The following SPOCK3 variants were observed in gnomAD, a reference collection of about 807,000 sequenced individuals.
SPOCK3 encodes SPARC (osteonectin), cwcv and kazal like domains proteoglycan 3.
A neutral mutation model predicts 56.6 loss-of-function variants in SPOCK3; 30 were observed. The observed-to-expected ratio is 0.53, with a 90% confidence interval of 0.40 to 0.72. SPOCK3 has a LOEUF of 0.72. Ranked by LOEUF, SPOCK3 falls within the 30% of genes least tolerant of loss-of-function variation. The pLI is 0.00. For missense variants in SPOCK3, 527 were observed against 530.0 expected (o/e 0.99, Z 0.06); for synonymous variants, 196 against 183.3 (o/e 1.07, Z -0.56).
At chr4:167,083,606 T>C (rs1580238467) in intron 2 of SPOCK3, among the ~76,000 whole-genome samples, 3 of 152,132 alleles carry the variant, frequency 2.0e-5, no homozygotes, top group Admixed American at 2.0e-4. Context: ...TTTAGGACTT[T>C]TGCTAGTATA....
chr4:166,735,386 G>A (rs371801476), intron 10 of SPOCK3, among the ~76,000 whole-genome samples: 68 of 152,122 alleles, frequency 4.5e-4, no homozygotes, highest in African/African-American at 1.6e-3. Flanking sequence ...GTCAGACTGT[G>A]CATTTTGCAA....
At chr4:166,900,228 T>C (rs1453665393) in intron 5 of SPOCK3, among the ~76,000 whole-genome samples, 2 of 152,228 alleles carry the variant, frequency 1.3e-5, no homozygotes, top group African/African-American at 4.8e-5. Flanking sequence ...ATTTGCACTC[T>C]GACAACAGTG....
At chr4:167,066,151 C>T (rs982807449) in intron 2 of SPOCK3, among the ~76,000 whole-genome samples, 2 of 151,766 alleles carry the variant, frequency 1.3e-5, no homozygotes, top group Non-Finnish European at 2.9e-5. Context: ...TTTAATGTTG[C>T]ATTTTTTCTC....
intron 3 of SPOCK3, among the ~76,000 whole-genome samples, chr4:167,043,455 G>A (rs905221861): frequency 2.0e-4 from 30 of 152,014 alleles, no homozygotes; most frequent in African/African-American, 6.7e-4. Context: ...TTCCTTTTCT[G>A]TTTCATTGCA....
intron 3 of SPOCK3, among the ~76,000 whole-genome samples, chr4:167,060,685 C>T (rs529034890): frequency 5.3e-5 from 8 of 152,110 alleles, no homozygotes; most frequent in South Asian, 2.1e-4. Context: ...ATTTTTAAAG[C>T]ATAAACTTCA....
intron 3 of SPOCK3, among the ~76,000 whole-genome samples, chr4:167,019,232 G>C (rs1391074251): frequency 6.6e-6 from 1 of 151,992 alleles, no homozygotes; most frequent in Non-Finnish European, 1.5e-5. Flanking sequence ...AAATCTCTGG[G>C]TCTTTGGCAC....
At chr4:166,803,888 A>G (rs1333950547) in intron 6 of SPOCK3, among the ~76,000 whole-genome samples, 1 of 152,182 alleles carries the variant, frequency 6.6e-6, no homozygotes, top group Admixed American at 6.5e-5. Flanking sequence ...GTTTTATTAA[A>G]TGCAAATTAA....
At position 167,160,128 on chromosome 4, in the gene SPOCK3, A is replaced by G. The variant is rs569848071; in HGVS notation, c.189+73857T>C. ...CCCTGTTTGCAGATGACATGATTGTATATTTAGAAAACCCCATTGTCTCAG... is the reference window on the plus strand; with the variant it reads ...CCCTGTTTGCAGATGACATGATTGTGTATTTAGAAAACCCCATTGTCTCAG... On this transcript the variant is annotated intron_variant, in intron 2 of 10. Coordinates refer to ENST00000357545, the MANE Select transcript of SPOCK3 (RefSeq NM_001040159.2). Among the ~76,000 whole-genome samples, 46 of 152,300 alleles carry G rather than the reference A, an allele frequency of 3.0e-4. No homozygotes were observed. In the East Asian group the frequency reaches 8.5e-3, roughly 28 times the overall value.
intron 4 of SPOCK3, among the ~76,000 whole-genome samples, chr4:166,943,288 C>T (rs114845010): frequency 0.013 from 1,962 of 152,198 alleles, 24 homozygotes; most frequent in Middle Eastern, 0.044. Flanking sequence ...CATTGATTTC[C>T]GGCCACTCAT....
intron 6 of SPOCK3, among the ~76,000 whole-genome samples, chr4:166,793,227 A>G (rs1249953082): frequency 6.6e-6 from 1 of 152,146 alleles, no homozygotes; most frequent in Non-Finnish European, 1.5e-5. Context: ...TTATGCAATT[A>G]TAGTATGTTT....
intron 4 of SPOCK3, among the ~76,000 whole-genome samples, chr4:166,919,910 C>A (rs151118416): frequency 6.6e-6 from 1 of 152,052 alleles, no homozygotes; most frequent in Non-Finnish European, 1.5e-5. Flanking sequence ...ATTTTAAGAA[C>A]TAAACCAAGT....
intron 6 of SPOCK3, among the ~76,000 whole-genome samples, chr4:166,842,575 G>A (rs1168670549): frequency 6.6e-6 from 1 of 152,186 alleles, no homozygotes; most frequent in Non-Finnish European, 1.5e-5. Context: ...GACACAGAGT[G>A]CTGATTGGTG....
chr4:166,827,557 A>T (rs1745604504), intron 6 of SPOCK3, among the ~76,000 whole-genome samples: 1 of 152,126 alleles, frequency 6.6e-6, no homozygotes, highest in Non-Finnish European at 1.5e-5. Flanking sequence ...CTCAGTTACC[A>T]CTAGGCTTTC....
At chr4:166,836,282 A>G (rs1746611594) in intron 6 of SPOCK3, among the ~76,000 whole-genome samples, 1 of 152,220 alleles carries the variant, frequency 6.6e-6, no homozygotes, top group African/African-American at 2.4e-5. Flanking sequence ...CAAGAATAAT[A>G]TAACAAAGAT....
intron 6 of SPOCK3, chr4:166,883,122 T>G (rs1159047972): frequency 6.6e-6 from 1 of 152,178 alleles, no homozygotes; most frequent in Non-Finnish European, 1.5e-5. Flanking sequence ...AATTAAACGT[T>G]AAAACTAAAT....
chr4:166,906,258 T>C (rs1314259590), intron 5 of SPOCK3, among the ~76,000 whole-genome samples: 1 of 152,066 alleles, frequency 6.6e-6, no homozygotes, highest in Non-Finnish European at 1.5e-5. Flanking sequence ...TTTAGGACCA[T>C]TTCATTTTTG....
chr4:167,088,304 C>A (rs1218306485), intron 2 of SPOCK3, among the ~76,000 whole-genome samples: 2 of 152,074 alleles, frequency 1.3e-5, no homozygotes, highest in Admixed American at 1.3e-4. Context: ...TCAGATGATG[C>A]TGATGCCATT....
chr4:167,209,370 A>C (rs1734648201), intron 2 of SPOCK3, among the ~76,000 whole-genome samples: 1 of 152,156 alleles, frequency 6.6e-6, no homozygotes, highest in South Asian at 2.1e-4. Context: ...CTAGTACTAG[A>C]ATGGAACAAA....
At chr4:167,052,872 T>C (rs1014751652) in intron 3 of SPOCK3, among the ~76,000 whole-genome samples, 1 of 152,172 alleles carries the variant, frequency 6.6e-6, no homozygotes, top group Admixed American at 6.5e-5. Context: ...AGAAGTGTAA[T>C]AATAGTGCAT....
Sources: gnomAD v4.1 joint callset for allele counts (sites outside exome capture counted in the v4.1 genomes callset) on GRCh38, gnomAD v4.1.1 for gene constraint, MANE v1.5 for transcripts, NCBI Gene and HGNC (gene_info 2026-07-23, HGNC 2026-07-21) for gene names.